Variants in KCNH7 observed in about 807,000 individuals in gnomAD.
The protein encoded by KCNH7 is potassium voltage-gated channel subfamily H member 7.
A neutral mutation model predicts 120.8 loss-of-function variants in KCNH7; 49 were observed. The observed-to-expected ratio is 0.41, with a 90% CI of 0.32 to 0.51. KCNH7 has a LOEUF of 0.51. Among genes scored for constraint, KCNH7 ranks in the 20% least tolerant of loss-of-function variants. The probability of loss-of-function intolerance (pLI) is 0.38; values close to 1 mark genes in which losing one functional copy is unlikely to be tolerated. For missense variants in KCNH7, 1,097 were observed against 1,446.6 expected (o/e 0.76, Z 3.92); for synonymous variants, 547 against 516.1 (o/e 1.06, Z -0.81).
chr2:162,373,705 C>A (rs1464096930), intron 14 of KCNH7, 43 bp from the exon 15 acceptor site: 1 of 1,327,464 alleles, frequency 7.5e-7, no homozygotes, highest in Non-Finnish European at 9.8e-7. Flanking sequence ...CTAAAATAGT[C>A]CAGAATTTCA....
chr2:162,595,944 C>A (rs954737251), intron 2 of KCNH7, among the ~76,000 whole-genome samples: 1 of 151,532 alleles, frequency 6.6e-6, no homozygotes, highest in Non-Finnish European at 1.5e-5. Context: ...ATTAAGAAAA[C>A]AATCACATTT....
chr2:162,835,472 A>T (rs577573962), intron 2 of KCNH7, among the ~76,000 whole-genome samples: 1 of 152,058 alleles, frequency 6.6e-6, no homozygotes, highest in Non-Finnish European at 1.5e-5. Flanking sequence ...AAATCTGAAC[A>T]GCTACCCCTC....
chr2:162,676,392 T>C (rs16847090), intron 2 of KCNH7, among the ~76,000 whole-genome samples: 1,631 of 151,716 alleles, frequency 0.011, 25 homozygotes, highest in African/African-American at 0.037. Context: ...AAAACAGGTA[T>C]AGTTCATGTT....
intron 8 of KCNH7, among the ~76,000 whole-genome samples, chr2:162,429,908 G>A (rs112434280): frequency 1.4e-5 from 2 of 139,282 alleles, no homozygotes; most frequent in Admixed American, 1.4e-4. Context: ...CATCATCTTT[G>A]TAAATTCTGG....
At chr2:162,522,321 A>G (rs1691560962) in intron 3 of KCNH7, among the ~76,000 whole-genome samples, 5 of 151,922 alleles carry the variant, frequency 3.3e-5, no homozygotes. Flanking sequence ...CTCCTTTAAA[A>G]AACAATTCAC....
chr2:162,546,724 T>C (rs1692492850), intron 2 of KCNH7, among the ~76,000 whole-genome samples: 1 of 152,116 alleles, frequency 6.6e-6, no homozygotes. Context: ...ATTCATAGCT[T>C]AGAATGAATA....
At chr2:162,574,626 G>A (rs1254833754) in intron 2 of KCNH7, among the ~76,000 whole-genome samples, 2 of 152,056 alleles carry the variant, frequency 1.3e-5, no homozygotes, top group Admixed American at 6.6e-5. Flanking sequence ...GCACTTTCTA[G>A]AAGAACAATC....
rs754589145 is a variant in KCNH7, at chr2:162,377,890, TAAC to T, written c.3131+1960_3131+1962del. ...ATAATAACATACTAATGTAATAAAA[TAAC>T]AACAACAATTTTTATTACTATTGGG... On this transcript the variant is annotated intron_variant, in intron 14 of 15. Coordinates refer to ENST00000332142, the MANE Select transcript of KCNH7 (RefSeq NM_033272.4). 1.1e-4 allele frequency among the ~76,000 whole-genome samples: 17 copies of T among 152,292 alleles called. No individual in the cohort carries two copies. The East Asian group carries it at 1.4e-3, about 12-fold the overall frequency.
At chr2:162,640,427 T>C (rs544487632) in intron 2 of KCNH7, among the ~76,000 whole-genome samples, 57 of 151,988 alleles carry the variant, frequency 3.8e-4, no homozygotes, top group African/African-American at 1.3e-3. Flanking sequence ...TTTTAAGTTA[T>C]AAAAATGATT....
chr2:162,651,752 G>A (rs1310889871), intron 2 of KCNH7, among the ~76,000 whole-genome samples: 3 of 152,066 alleles, frequency 2.0e-5, no homozygotes, highest in South Asian at 4.1e-4. Flanking sequence ...TGGTAGTTCT[G>A]CTTTTATCTC....
chr2:162,612,542 A>G (rs538817195), intron 2 of KCNH7, among the ~76,000 whole-genome samples: 54 of 152,266 alleles, frequency 3.5e-4, no homozygotes, highest in Admixed American at 1.4e-3. Context: ...ATTGATATTG[A>G]TTGATACTAT....
chr2:162,405,871 T>C (rs571576721), intron 9 of KCNH7, among the ~76,000 whole-genome samples: 7 of 152,088 alleles, frequency 4.6e-5, no homozygotes, highest in African/African-American at 1.7e-4. Context: ...TAAAGAAATA[T>C]GTCCTAGGCT....
chr2:162,512,509 G>T, intron 5 of KCNH7, 145 bp downstream of exon 5: 1 of 595,782 alleles, frequency 1.7e-6, no homozygotes, highest in African/African-American at 1.9e-5. Context: ...GCAAAATCAA[G>T]CCATGATGTC....
chr2:162,505,682 AG>A (rs1282793029), intron 5 of KCNH7, among the ~76,000 whole-genome samples: 1 of 151,942 alleles, frequency 6.6e-6, no homozygotes, highest in Admixed American at 6.6e-5. Context: ...AATTAACAAC[AG>A]GGAGAATTTT....
At chr2:162,734,219 T>C (rs1303589454) in intron 2 of KCNH7, among the ~76,000 whole-genome samples, 1 of 152,140 alleles carries the variant, frequency 6.6e-6, no homozygotes, top group African/African-American at 2.4e-5. Context: ...TATCACATGA[T>C]AAAATTTATT....
chr2:162,699,186 T>G (rs538346721), intron 2 of KCNH7, among the ~76,000 whole-genome samples: 1 of 152,092 alleles, frequency 6.6e-6, no homozygotes, highest in African/African-American at 2.4e-5. Context: ...ATTCCTCTTA[T>G]GTAACTGAAA....
intron 7 of KCNH7, among the ~76,000 whole-genome samples, chr2:162,441,246 T>C (rs1041550187): frequency 2.6e-5 from 4 of 152,186 alleles, no homozygotes; most frequent in African/African-American, 4.8e-5. Flanking sequence ...CATGATTATA[T>C]TGGATGTTTT....
At chr2:162,824,265 G>A (rs892317835) in intron 2 of KCNH7, among the ~76,000 whole-genome samples, 1 of 152,120 alleles carries the variant, frequency 6.6e-6, no homozygotes, top group African/African-American at 2.4e-5. Context: ...ATGTTGGTGG[G>A]TATGACATTT....
intron 6 of KCNH7, among the ~76,000 whole-genome samples, chr2:162,487,462 T>A (rs1350014317): frequency 6.6e-6 from 1 of 152,042 alleles, no homozygotes; most frequent in Non-Finnish European, 1.5e-5. Context: ...ATATATTTAA[T>A]TTTGGTGGGG....
Sources: gnomAD v4.1 joint callset for allele counts (sites outside exome capture counted in the v4.1 genomes callset) on GRCh38, gnomAD v4.1.1 for gene constraint, MANE v1.5 for transcripts, NCBI Gene and HGNC (gene_info 2026-07-23, HGNC 2026-07-21) for gene names.